AMPH: variants seen among roughly 807,000 people sequenced by gnomAD.
The protein encoded by AMPH is amphiphysin, also known as amphiphysin (Stiff-Mann syndrome with breast cancer 128kD autoantigen).
AMPH carries 49 observed loss-of-function variants against 99.1 expected under a neutral mutation model. The ratio of observed to expected loss-of-function variants is 0.49; its 90% confidence interval spans 0.39 to 0.63. The LOEUF (loss-of-function observed/expected upper bound fraction) is 0.63, where lower values mean the gene tolerates loss of function less well. AMPH is among the 20% of genes least tolerant of loss of function. The probability of loss-of-function intolerance (pLI) is 0.00; values close to 1 mark genes in which losing one functional copy is unlikely to be tolerated. For missense variants in AMPH, 759 were observed against 863.4 expected (o/e 0.88, Z 1.52); for synonymous variants, 314 against 317.3 (o/e 0.99, Z 0.11).
At chr7:38,460,031 C>T (rs1787381442) in intron 11 of AMPH, among the ~76,000 whole-genome samples, 1 of 151,844 alleles carries the variant, frequency 6.6e-6, no homozygotes, top group South Asian at 2.1e-4. Flanking sequence ...GGGCTAAGGA[C>T]ATAAATAGAC....
rs530760340 is a variant in AMPH at position 38,414,661 on chromosome 7, C to A, written c.1398+3164G>T. 2.0e-5 allele frequency among the ~76,000 whole-genome samples: 3 copies of A among 147,638 alleles called. No homozygotes were observed. The South Asian group carries it at 6.4e-4, about 31-fold the overall frequency. ...CACATATTGAAACGAATATTGAAAT[C>A]ATATTGAATTTTTTTTTTTTTGAGA... is the stretch of plus-strand genomic sequence containing the variant. On this transcript the variant is annotated intron_variant, in intron 17 of 20. Transcript: ENST00000356264.
intron 2 of AMPH, among the ~76,000 whole-genome samples, chr7:38,528,514 T>C (rs1173967974): frequency 6.6e-6 from 1 of 152,210 alleles, no homozygotes; most frequent in Non-Finnish European, 1.5e-5. Context: ...AATCTGTAAG[T>C]ATAAAGTTGC....
intron 19 of AMPH, among the ~76,000 whole-genome samples, chr7:38,390,644 T>C (rs1420795088): frequency 6.6e-6 from 1 of 152,194 alleles, no homozygotes; most frequent in Admixed American, 6.5e-5. Flanking sequence ...GAGCTGGAAA[T>C]GGATTATGTT....
intron 17 of AMPH, 122 bp from the exon 18 acceptor site, chr7:38,394,336 A>C (rs1337392855): frequency 9.8e-7 from 1 of 1,018,068 alleles, no homozygotes; most frequent in Non-Finnish European, 1.4e-6. Flanking sequence ...CATTCTTTGC[A>C]CTCCCAGGAT....
intron 1 of AMPH, among the ~76,000 whole-genome samples, chr7:38,599,130 A>G (rs1187739121): frequency 6.6e-6 from 1 of 152,170 alleles, no homozygotes; most frequent in Non-Finnish European, 1.5e-5. Context: ...AAACCTTTTC[A>G]ATTATTTTCT....
chr7:38,502,465 T>C (rs1789172802), intron 3 of AMPH, among the ~76,000 whole-genome samples: 1 of 152,126 alleles, frequency 6.6e-6, no homozygotes, highest in African/African-American at 2.4e-5. Flanking sequence ...TAATTCCTTG[T>C]CTACAAGGAA....
chr7:38,441,815 A>C (rs12535396), intron 11 of AMPH, among the ~76,000 whole-genome samples: 11 of 87,742 alleles, frequency 1.3e-4, no homozygotes, highest in African/African-American at 3.9e-4. Flanking sequence ...TATATCATAT[A>C]TATCATATAT....
chr7:38,432,372 T>C (rs577345077), intron 12 of AMPH, among the ~76,000 whole-genome samples, 160 bp from the exon 13 acceptor site: 2 of 152,308 alleles, frequency 1.3e-5, no homozygotes, highest in South Asian at 4.1e-4. Context: ...TCCATATCTG[T>C]GCTTATCCAG....
rs761431698 is a variant in AMPH at position 38,410,571 on chromosome 7, T to C, written c.1398+7254A>G. On this transcript the variant is annotated intron_variant, in intron 17 of 20. Transcript: ENST00000356264. ...AAGCCATAAACACAGGGTGCTCTTG[T>C]TACTACAAAGAATTGTTACTACAAG... is the stretch of plus-strand genomic sequence containing the variant. Among the ~76,000 whole-genome samples, 57 of 152,226 alleles carry C rather than the reference T, an allele frequency of 3.7e-4. 1 individual carries two copies. Among genetic ancestry groups the C allele is most frequent in the Admixed American group, 1.6e-3 (25 of 15,280 alleles).
At chr7:38,566,943 C>A (rs11984089) in intron 1 of AMPH, among the ~76,000 whole-genome samples, 119,692 of 152,122 alleles carry the variant, frequency 0.79, 47,415 homozygotes, top group Non-Finnish European at 0.82. Flanking sequence ...TGTTGGTGGG[C>A]GTGTAAATTA....
At chr7:38,498,871 A>C (rs969869844) in intron 3 of AMPH, among the ~76,000 whole-genome samples, 2 of 152,188 alleles carry the variant, frequency 1.3e-5, no homozygotes, top group Non-Finnish European at 2.9e-5. Context: ...TCCATGTTTC[A>C]TCCAGCTCAG....
rs1784303450 is a variant in AMPH at position 38,384,713 on chromosome 7, C to T, written c.*105G>A. ...CATCTTCCCAAGGTTTGTCTGGCAT[C>T]AGTCTGTAAATCATTAAGAGCATAA... On this transcript the variant is annotated 3_prime_UTR_variant, in exon 21 of 21. Transcript: ENST00000356264. 1.1e-6 allele frequency: 1 copy of T among 901,940 alleles called. No homozygotes were observed. The highest frequency in any genetic ancestry group is 2.4e-5 in the East Asian group (1 of 40,914). The allele number at this position is 901,940 out of a possible 1,614,324, so 55.9% of individuals were successfully genotyped here. A position where few individuals can be genotyped will look rare whatever the true frequency, so the allele number is the denominator to read the frequency against.
chr7:38,407,048 C>CTCTCTCTCTCTCTCTCTA (rs1241166935), intron 17 of AMPH, among the ~76,000 whole-genome samples: 3 of 31,264 alleles, frequency 9.6e-5, no homozygotes, highest in Non-Finnish European at 1.2e-4. Context: ...CTCTCTCTCT[C>CTCTCTCTCTCTCTCTCTA]TATATATATA....
intron 11 of AMPH, among the ~76,000 whole-genome samples, chr7:38,458,906 T>C (rs1258524709): frequency 1.3e-5 from 2 of 152,116 alleles, no homozygotes; most frequent in African/African-American, 4.8e-5. Context: ...GGCATTCAAA[T>C]TGGATAAGAA....
At chr7:38,485,153 A>G (rs1035925501) in intron 5 of AMPH, among the ~76,000 whole-genome samples, 5 of 151,960 alleles carry the variant, frequency 3.3e-5, no homozygotes, top group Non-Finnish European at 7.4e-5. Flanking sequence ...ATGTAAGTTA[A>G]TTAAATTCCC....
chr7:38,569,632 T>C lies in AMPH; in HGVS notation c.70-34621A>G, dbSNP rs1445526663. ...ATATATATATAAAATGAAAACACTT[T>C]TTTAAAAGAAATTTTCAAGGAAGTT... On this transcript the variant is annotated intron_variant, in intron 1 of 20. Coordinates refer to ENST00000356264, the MANE Select transcript of AMPH (RefSeq NM_001635.4). 2.6e-5 allele frequency among the ~76,000 whole-genome samples: 4 copies of C among 152,100 alleles called. No homozygotes were observed. The East Asian group carries it at 7.7e-4, about 29-fold the overall frequency.
At chr7:38,484,850 G>A (rs1788428980) in intron 5 of AMPH, among the ~76,000 whole-genome samples, 1 of 151,916 alleles carries the variant, frequency 6.6e-6, no homozygotes, top group Admixed American at 6.6e-5. Flanking sequence ...AAGTATACAT[G>A]TGGTGAAAAT....
Position 38,433,975 on chromosome 7 carries a change from T to G in AMPH, c.1135-1763A>C, listed in dbSNP as rs183782303. On this transcript the variant is annotated intron_variant, in intron 12 of 20. Coordinates refer to ENST00000356264, the MANE Select transcript of AMPH (RefSeq NM_001635.4). The stretch of plus-strand genomic sequence containing the variant: ...GGGGTCAGGTGATGGGTAAAGGAGG[T>G]CATTTTGAGTGAAGAGGAAAGAAAC... 3.2e-3 allele frequency among the ~76,000 whole-genome samples: 487 copies of G among 151,762 alleles called. 2 individuals carry two copies. Among genetic ancestry groups the G allele is most frequent in the Non-Finnish European group, 5.2e-3 (354 of 67,936 alleles).
chr7:38,424,986 G>A (rs1372651638), intron 15 of AMPH, among the ~76,000 whole-genome samples: 1 of 152,282 alleles, frequency 6.6e-6, no homozygotes, highest in East Asian at 1.9e-4. Flanking sequence ...AATTATAAGG[G>A]AAAATGATTT....
Sources: gnomAD v4.1 joint callset for allele counts (sites outside exome capture counted in the v4.1 genomes callset) on GRCh38, gnomAD v4.1.1 for gene constraint, MANE v1.5 for transcripts, NCBI Gene and HGNC (gene_info 2026-07-23, HGNC 2026-07-21) for gene names.